The following TEX11 variants were observed in gnomAD, a reference collection of about 807,000 sequenced individuals.
TEX11 encodes the protein testis-expressed protein 11.
TEX11 carries 7 observed loss-of-function variants against 84.4 expected under a neutral mutation model. That is an observed-to-expected ratio of 0.08 (90% CI 0.05 to 0.16). The LOEUF (loss-of-function observed/expected upper bound fraction) is 0.16. Among genes scored for constraint, TEX11 ranks in the 10% least tolerant of loss-of-function variants. The pLI is 1.00. For synonymous variants in TEX11, 264 were observed against 222.8 expected (o/e 1.18, Z -1.64); for missense variants, 551 against 660.5 (o/e 0.83, Z 1.82).
chrX:70,725,533 T>C (rs1376021086), intron 11 of TEX11, among the ~76,000 whole-genome samples, 190 bp from the exon 12 acceptor site: 1 of 111,964 alleles, frequency 8.9e-6, no homozygotes, highest in Non-Finnish European at 1.9e-5. Context: ...TCAATCTAAA[T>C]GAAATAATAT....
chrX:70,841,327 G>C (rs1312146631), intron 7 of TEX11, among the ~76,000 whole-genome samples: 46 of 110,739 alleles, frequency 4.2e-4, no homozygotes, highest in East Asian at 8.5e-4. Flanking sequence ...TTAAGAAACT[G>C]ACTCAAAACC....
intron 17 of TEX11, among the ~76,000 whole-genome samples, chrX:70,640,713 A>C (rs1471937385): frequency 9.1e-6 from 1 of 109,602 alleles, no homozygotes; most frequent in East Asian, 2.9e-4. Context: ...ACAGACAAGC[A>C]AATGCTGAGA....
chrX:70,560,474 T>A (rs904893211), intron 25 of TEX11, among the ~76,000 whole-genome samples: 8 of 111,074 alleles, frequency 7.2e-5, no homozygotes, highest in African/African-American at 2.6e-4. Context: ...TCCATTTTTT[T>A]ATTGGGTTAT....
At chrX:70,811,027 T>A (rs1228754756) in intron 8 of TEX11, among the ~76,000 whole-genome samples, 10 of 111,989 alleles carry the variant, frequency 8.9e-5, no homozygotes, top group Admixed American at 7.6e-4. Context: ...AGTCATTTTT[T>A]AAAATTTTTT....
At chrX:70,864,992 C>G (rs1331611121) in intron 4 of TEX11, among the ~76,000 whole-genome samples, 1 of 110,831 alleles carries the variant, frequency 9.0e-6, no homozygotes, top group East Asian at 2.8e-4. Context: ...CATCAATTAA[C>G]GAGCAAAATA....
At chrX:70,805,451 A>G (rs1263796034) in intron 9 of TEX11, among the ~76,000 whole-genome samples, 1 of 101,897 alleles carries the variant, frequency 9.8e-6, no homozygotes, top group Admixed American at 1.1e-4. Context: ...CTCAGGCTGG[A>G]GTGCAGCGGT....
intron 13 of TEX11, among the ~76,000 whole-genome samples, chrX:70,712,579 T>C (rs1319693076): frequency 9.0e-6 from 1 of 111,479 alleles, no homozygotes; most frequent in East Asian, 2.8e-4. Flanking sequence ...ACTCATGATT[T>C]GGCTCTCTGT....
At chrX:70,547,090 C>T (rs964301751) in intron 28 of TEX11, among the ~76,000 whole-genome samples, 2 of 102,918 alleles carry the variant, frequency 1.9e-5, no homozygotes, top group South Asian at 9.0e-4. Context: ...ATGGACGAAC[C>T]TCAAAAACGT....
At chrX:70,821,744 G>T (rs2091319120) in intron 8 of TEX11, among the ~76,000 whole-genome samples, 1 of 112,242 alleles carries the variant, frequency 8.9e-6, no homozygotes, top group Non-Finnish European at 1.9e-5. Context: ...ACACCTGTTT[G>T]TATGACTATT....
intron 9 of TEX11, among the ~76,000 whole-genome samples, chrX:70,785,303 T>C (rs1293376758): frequency 8.9e-6 from 1 of 111,972 alleles, no homozygotes; most frequent in African/African-American, 3.2e-5. Context: ...ATCCCTTCCA[T>C]ACAGCTTATA....
At chrX:70,674,565 T>G (rs1472755805) in intron 15 of TEX11, among the ~76,000 whole-genome samples, 1 of 112,311 alleles carries the variant, frequency 8.9e-6, no homozygotes, top group Non-Finnish European at 1.9e-5. Context: ...GCATCTATTA[T>G]TTTTTGACTT....
At chrX:70,642,681 T>A (rs1299284353) in intron 17 of TEX11, among the ~76,000 whole-genome samples, 1 of 84,478 alleles carries the variant, frequency 1.2e-5, no homozygotes, top group Non-Finnish European at 2.3e-5. Context: ...CATGATTATC[T>A]CAATAGATGC....
intron 24 of TEX11, among the ~76,000 whole-genome samples, chrX:70,599,977 C>T (rs1469475083): frequency 9.1e-6 from 1 of 110,380 alleles, no homozygotes; most frequent in Non-Finnish European, 1.9e-5. Flanking sequence ...CCTCAATAAA[C>T]ATACGTGTGC....
intron 11 of TEX11, among the ~76,000 whole-genome samples, chrX:70,728,388 A>G (rs2090616197): frequency 8.8e-6 from 1 of 113,252 alleles, no homozygotes; most frequent in South Asian, 3.6e-4. Context: ...GGGAAGCACA[A>G]GGGGTCAGGG....
At chrX:70,548,074 A>G (rs2088158707) in intron 28 of TEX11, among the ~76,000 whole-genome samples, 1 of 111,704 alleles carries the variant, frequency 9.0e-6, no homozygotes, top group African/African-American at 3.3e-5. Flanking sequence ...TACACCATGG[A>G]ATACTATGCA....
chrX:70,685,170 C>T (rs1403660555), intron 13 of TEX11, among the ~76,000 whole-genome samples: 1 of 111,766 alleles, frequency 8.9e-6, no homozygotes, highest in African/African-American at 3.3e-5. Flanking sequence ...TTGAGACCAG[C>T]CTGGCCAATG....
intron 11 of TEX11, among the ~76,000 whole-genome samples, chrX:70,736,150 T>C (rs1019913056): frequency 8.9e-6 from 1 of 111,884 alleles, no homozygotes; most frequent in Non-Finnish European, 1.9e-5. Flanking sequence ...TAATTGTTCT[T>C]TTTTGCTTGT....
intron 9 of TEX11, among the ~76,000 whole-genome samples, chrX:70,796,311 A>G (rs2091155560): frequency 8.9e-6 from 1 of 111,889 alleles, no homozygotes; most frequent in African/African-American, 3.2e-5. Context: ...AGGGGAGACA[A>G]AAGAAAAAAG....
At chrX:70,651,356 T>A (rs184097335) in intron 17 of TEX11, 94 bp downstream of exon 17, 61 of 543,701 alleles carry the variant, frequency 1.1e-4, no homozygotes, top group Non-Finnish European at 5.5e-5. Flanking sequence ...AATTCTATTG[T>A]CTTAAAAACA....
Sources: allele counts gnomAD v4.1 joint callset (sites outside exome capture counted in the v4.1 genomes callset), GRCh38; gene constraint gnomAD v4.1.1; transcripts MANE v1.5; gene names NCBI Gene and HGNC (gene_info 2026-07-23, HGNC 2026-07-21).